PPP1CB: variants seen among roughly 807,000 people sequenced by gnomAD.
PPP1CB encodes the protein serine/threonine-protein phosphatase PP1-beta catalytic subunit.
PPP1CB carries 2 observed loss-of-function variants against 43.7 expected under a neutral mutation model. The ratio of observed to expected loss-of-function variants is 0.05; its 90% CI spans 0.02 to 0.14. The LOEUF is 0.14. PPP1CB is among the 10% of genes least tolerant of loss of function. PPP1CB has a pLI of 1.00. For synonymous variants in PPP1CB, 136 were observed against 135.6 expected (o/e 1.00, Z -0.02); for missense variants, 84 against 398.0 (o/e 0.21, Z 6.71).
intron 2 of PPP1CB, chr2:28,778,452 A>C (rs1453718353): frequency 2.1e-6 from 1 of 478,144 alleles, no homozygotes. Flanking sequence ...TTGAACTGTG[A>C]AAGGATTCAG....
At chr2:28,785,749 C>T (rs955217470) in intron 5 of PPP1CB, among the ~76,000 whole-genome samples, 5 of 152,084 alleles carry the variant, frequency 3.3e-5, no homozygotes, top group Admixed American at 1.3e-4. Flanking sequence ...GTTGAGGCTG[C>T]GGTGACCTGT....
At chr2:28,778,247 A>T (rs1408075724) in intron 2 of PPP1CB, 5 of 395,794 alleles carry the variant, frequency 1.3e-5, no homozygotes, top group Admixed American at 5.9e-5. Flanking sequence ...AAACTACCAG[A>T]TAATAAAATT....
intron 1 of PPP1CB, among the ~76,000 whole-genome samples, chr2:28,757,800 G>A (rs973936387): frequency 1.3e-5 from 2 of 152,038 alleles, no homozygotes; most frequent in African/African-American, 4.8e-5. Context: ...TAGCCCAGAG[G>A]TGTTTTTATT....
chr2:28,767,538 C>T (rs1325216519), intron 1 of PPP1CB, among the ~76,000 whole-genome samples: 3 of 152,118 alleles, frequency 2.0e-5, no homozygotes, highest in Non-Finnish European at 2.9e-5. Context: ...CAGCAATAAT[C>T]GTGACACCCA....
At chr2:28,778,283 T>C in intron 2 of PPP1CB, 1 of 458,308 alleles carries the variant, frequency 2.2e-6, no homozygotes. Context: ...TGTTGTATAA[T>C]AAATCATTCC....
At chr2:28,789,458 A>G (rs888000572) in intron 6 of PPP1CB, among the ~76,000 whole-genome samples, 6 of 152,104 alleles carry the variant, frequency 3.9e-5, no homozygotes, top group Non-Finnish European at 5.9e-5. Flanking sequence ...GCAGTGAGCC[A>G]TGTTTATGTC....
At chr2:28,768,813 A>G (rs1175914877) in intron 1 of PPP1CB, among the ~76,000 whole-genome samples, 1 of 152,218 alleles carries the variant, frequency 6.6e-6, no homozygotes, top group Non-Finnish European at 1.5e-5. Context: ...AAACCAATAG[A>G]AATTATCTAG....
rs150632345 is a variant in PPP1CB, at chr2:28,766,195, G to A, written c.53-10656G>A. On this transcript the variant is annotated intron_variant, in intron 1 of 7. Coordinates refer to ENST00000395366, the MANE Select transcript of PPP1CB (RefSeq NM_002709.3). ...GTGGTTCTTGTTTAGAAAAAATTCA[G>A]TATCAGCCCTGAATGCAAATAAATT... Among the ~76,000 whole-genome samples the A allele has an allele frequency of 3.0e-3, 456 of 152,242 alleles. 3 individuals are homozygous for A. The highest frequency in any genetic ancestry group is 0.01 in the African/African-American group (429 of 41,542).
At chr2:28,772,930 A>G (rs1666945366) in intron 1 of PPP1CB, among the ~76,000 whole-genome samples, 1 of 152,240 alleles carries the variant, frequency 6.6e-6, no homozygotes, top group Non-Finnish European at 1.5e-5. Context: ...GATGTATCTC[A>G]CAGATGCAAT....
chr2:28,785,668 T>TA (rs1461213022), intron 5 of PPP1CB, among the ~76,000 whole-genome samples: 6 of 151,664 alleles, frequency 4.0e-5, no homozygotes, highest in African/African-American at 1.5e-4. Context: ...TTTTTTTTTT[T>TA]AATTAGCCAC....
intron 3 of PPP1CB, 123 bp downstream of exon 3, chr2:28,779,162 G>A (rs906785876): frequency 1.1e-4 from 76 of 668,560 alleles, no homozygotes; most frequent in East Asian, 5.0e-4. Flanking sequence ...CATAGGCCAG[G>A]AAGAGGAACC....
intron 1 of PPP1CB, among the ~76,000 whole-genome samples, chr2:28,762,624 TAA>T (rs1209287939): frequency 1.3e-5 from 2 of 152,246 alleles, no homozygotes; most frequent in East Asian, 3.8e-4. Flanking sequence ...AGGTGAATTT[TAA>T]AAGAGATGTG....
intron 1 of PPP1CB, among the ~76,000 whole-genome samples, chr2:28,773,702 G>A (rs991161186): frequency 1.3e-5 from 2 of 152,128 alleles, no homozygotes; most frequent in Non-Finnish European, 2.9e-5. Context: ...GTACATAAAG[G>A]AGCAGGACTT....
chr2:28,754,134 T>C (rs1251655378), intron 1 of PPP1CB, among the ~76,000 whole-genome samples: 1 of 152,184 alleles, frequency 6.6e-6, no homozygotes, highest in Non-Finnish European at 1.5e-5. Flanking sequence ...TCCATATATT[T>C]TGTAGGCATA....
At chr2:28,787,382 C>A (rs1190215471) in intron 5 of PPP1CB, among the ~76,000 whole-genome samples, 1 of 152,114 alleles carries the variant, frequency 6.6e-6, no homozygotes, top group Non-Finnish European at 1.5e-5. Flanking sequence ...TGGCGTGAAC[C>A]CGGGAGGCAG....
At position 28,752,578 on chromosome 2, in the gene PPP1CB, C is replaced by T. The variant is rs545918242; in HGVS notation, c.52+402C>T. ...TTTGTGCGTCCGTGGAATCACTGTT[C>T]TTCTCTGTTCTCTTTGTGCATTGCC... is the stretch of plus-strand genomic sequence containing the variant. On this transcript the variant is annotated intron_variant, in intron 1 of 7. Transcript: ENST00000395366. Among the ~76,000 whole-genome samples, 12 of 152,230 alleles carry T rather than the reference C, an allele frequency of 7.9e-5. No individual in the cohort carries two copies. In the South Asian group the frequency reaches 2.1e-3, roughly 26 times the overall value.
chr2:28,799,225 T>C lies in PPP1CB; in HGVS notation c.906T>C (p.Ala302=). ...FQILKPSEKK[A]KYQYGGLNSG... ...TATTGAAACCATCTGAAAAGAAAGCTAAATACCAGTATGGTGGACTGAATT... is the reference window on the plus strand; with the variant it reads ...TATTGAAACCATCTGAAAAGAAAGCCAAATACCAGTATGGTGGACTGAATT... Residue 302 remains alanine (A), a synonymous_variant, in exon 8 of 8, where the codon GCT becomes GCC. Transcript: ENST00000395366. 1.2e-6 allele frequency: 2 copies of C among 1,604,402 alleles called. No individual in the cohort carries two copies. The highest frequency in any genetic ancestry group is 2.2e-5 in the South Asian group (2 of 90,676).
rs151285055 is a variant in PPP1CB at position 28,788,869 on chromosome 2, G to A, written c.744+60G>A. 26 of 1,448,306 alleles carry A rather than the reference G, an allele frequency of 1.8e-5. No individual in the cohort carries two copies. The East Asian group carries it at 2.4e-4, about 13-fold the overall frequency. The allele number at this position is 1,448,306 out of a possible 1,614,324, so 89.7% of individuals were successfully genotyped here. On this transcript the variant is annotated intron_variant, in intron 6 of 7. Transcript: ENST00000395366. ...TTCTTTCTTTTTTTTGGGGGCAGAC[G>A]GAGGGGCAGACAGATTCTTGTTCTG...
chr2:28,798,315 A>T (rs1667538151), intron 7 of PPP1CB, among the ~76,000 whole-genome samples: 1 of 152,142 alleles, frequency 6.6e-6, no homozygotes, highest in African/African-American at 2.4e-5. Context: ...TGGTGGGAAT[A>T]GAGTTCTCAT....
Sources: gnomAD v4.1 joint callset for allele counts (sites outside exome capture counted in the v4.1 genomes callset) on GRCh38, gnomAD v4.1.1 for gene constraint, MANE v1.5 for transcripts, NCBI Gene and HGNC (gene_info 2026-07-23, HGNC 2026-07-21) for gene names.